Variants in BZW2 observed in about 807,000 individuals in gnomAD.
The protein encoded by BZW2 is basic leucine zipper and W2 domains 2.
Under a neutral mutation model 53.2 loss-of-function variants are expected in BZW2, and 23 were observed. The ratio of observed to expected loss-of-function variants is 0.43; its 90% CI spans 0.31 to 0.61. BZW2 has a LOEUF of 0.61. BZW2 is among the 20% of genes least tolerant of loss of function. The pLI, the probability that BZW2 is intolerant of heterozygous loss-of-function variation, is 0.09. For missense variants in BZW2, 409 were observed against 503.1 expected, an observed-to-expected ratio of 0.81 and a Z score of 1.79; for synonymous variants, 227 against 186.4, an observed-to-expected ratio of 1.22 and a Z score of -1.77.
chr7:16,706,083 A>C lies in BZW2; in HGVS notation c.1255A>C (p.Asn419His). 6.2e-7 allele frequency: 1 copy of C among 1,613,624 alleles called. No individual in the cohort carries two copies. The highest frequency in any genetic ancestry group is 8.5e-7 in the Non-Finnish European group (1 of 1,179,724). ...EEESESEGEE[N>H] ...AGAATCCGAATCGGAAGGTGAGGAAAATTAAATGGCTCAACAAGCACAATA... is the reference window on the plus strand; with the variant it reads ...AGAATCCGAATCGGAAGGTGAGGAACATTAAATGGCTCAACAAGCACAATA... The change falls in exon 12 of 12, where the codon AAT (asparagine) becomes CAT (histidine). Residue 419 changes from asparagine (N) to histidine (H), a missense_variant. Physicochemically the swap from Asn to His is moderately conservative, Grantham distance 68. Coordinates refer to ENST00000258761, the MANE Select transcript of BZW2 (RefSeq NM_014038.3).
intron 1 of BZW2, among the ~76,000 whole-genome samples, chr7:16,654,524 A>G (rs796333367): frequency 7.3e-6 from 1 of 137,928 alleles, no homozygotes; most frequent in African/African-American, 2.6e-5. Context: ...CCCCCCCCAA[A>G]AAAAAACGGA....
intron 2 of BZW2, among the ~76,000 whole-genome samples, chr7:16,668,887 A>C (rs1005616460): frequency 4.6e-5 from 7 of 152,344 alleles, no homozygotes; most frequent in Admixed American, 2.0e-4. Context: ...TCTCCAAAGT[A>C]ATTATGTTTT....
Position 16,694,938 on chromosome 7 carries a change from G to A in BZW2, c.756G>A (p.Leu252=), listed in dbSNP as rs1209857543. The A allele has an allele frequency of 1.3e-6, 2 of 1,598,510 alleles. No individual in the cohort carries two copies. Among genetic ancestry groups the A allele is most frequent in the African/African-American group, 2.7e-5 (2 of 74,744 alleles). ...ACTTCCTCCGAGTCCAGCAGTCCCT[G>A]GGCACCAGGAAGGAACTGCAGAAGG... ...LSDFLRVQQS[L]GTRKELQKEL... Residue 252 remains leucine (L), a synonymous_variant, in exon 8 of 12, where the codon CTG becomes CTA. Coordinates refer to ENST00000258761, the MANE Select transcript of BZW2 (RefSeq NM_014038.3).
chr7:16,646,812 T>C (rs979929031), intron 1 of BZW2, among the ~76,000 whole-genome samples: 3 of 151,916 alleles, frequency 2.0e-5, no homozygotes, highest in Admixed American at 6.5e-5. Context: ...CCAATGTTGC[T>C]TGTTAAAGAT....
intron 5 of BZW2, among the ~76,000 whole-genome samples, chr7:16,684,526 T>G (rs1342674149): frequency 6.6e-6 from 1 of 152,248 alleles, no homozygotes; most frequent in Non-Finnish European, 1.5e-5. Context: ...TTTAAATGAA[T>G]ATGGTTATAT....
intron 1 of BZW2, among the ~76,000 whole-genome samples, chr7:16,649,751 T>G (rs1781943930): frequency 6.6e-6 from 1 of 152,222 alleles, no homozygotes; most frequent in African/African-American, 2.4e-5. Context: ...ATTACTTATC[T>G]TTTAGAGATA....
chr7:16,681,787 G>A (rs1358341249), intron 4 of BZW2, among the ~76,000 whole-genome samples: 2 of 152,148 alleles, frequency 1.3e-5, no homozygotes, highest in African/African-American at 2.4e-5. Context: ...AGCTGAGATC[G>A]TGCCACTGCT....
At chr7:16,688,396 A>G (rs1002414527) in intron 6 of BZW2, 1 of 152,214 alleles carries the variant, frequency 6.6e-6, no homozygotes, top group Admixed American at 6.5e-5. Context: ...ACAGAGGATA[A>G]TTTATCTTTC....
At chr7:16,661,736 T>C (rs1241846520) in intron 1 of BZW2, among the ~76,000 whole-genome samples, 2 of 152,078 alleles carry the variant, frequency 1.3e-5, no homozygotes, top group African/African-American at 2.4e-5. Flanking sequence ...GTCCATTTTG[T>C]TTACCATTTC....
Position 16,696,898 on chromosome 7 carries a change from A to G in BZW2, c.823-17A>G. On this transcript the variant is annotated splice_polypyrimidine_tract_variant and intron_variant, in intron 8 of 11. Transcript: ENST00000258761. The stretch of plus-strand genomic sequence containing the variant: ...CATCTGCCTGTTACTTTCTGACCCC[A>G]TTTCCATGTAATGTAGGTGGTGCTT... 2 of 1,613,762 alleles carry G rather than the reference A, an allele frequency of 1.2e-6. No homozygotes were observed. Among genetic ancestry groups the G allele is most frequent in the African/African-American group, 1.3e-5 (1 of 75,026 alleles).
chr7:16,679,832 C>T (rs1338557528), intron 3 of BZW2, among the ~76,000 whole-genome samples: 1 of 152,166 alleles, frequency 6.6e-6, no homozygotes, highest in African/African-American at 2.4e-5. Flanking sequence ...ACTACCCAAA[C>T]CTTCTACCTT....
chr7:16,696,192 A>T (rs3807487), intron 8 of BZW2: 2 of 152,032 alleles, frequency 1.3e-5, no homozygotes, highest in African/African-American at 2.4e-5. Flanking sequence ...GAGATATACG[A>T]TGACTTTCAA....
rs144904897 is a variant in BZW2, at chr7:16,648,601, T to G, written c.-8+2313T>G. 2.6e-5 allele frequency among the ~76,000 whole-genome samples: 4 copies of G among 152,336 alleles called. No individual in the cohort carries two copies. The East Asian group carries it at 7.7e-4, about 29-fold the overall frequency. ...TAAACATTGAGCACCCATCATTCTT[T>G]GAATGGCTCTCTGCTGGCCACAGAA... On this transcript the variant is annotated intron_variant, in intron 1 of 11. Transcript: ENST00000258761.
intron 7 of BZW2, among the ~76,000 whole-genome samples, chr7:16,692,964 T>C (rs1473225815): frequency 6.6e-6 from 1 of 152,112 alleles, no homozygotes; most frequent in Non-Finnish European, 1.5e-5. Flanking sequence ...CCTTGGGGCA[T>C]GGGATATTGG....
At chr7:16,699,533 TG>T (rs1417792826) in intron 10 of BZW2, among the ~76,000 whole-genome samples, 2 of 152,202 alleles carry the variant, frequency 1.3e-5, no homozygotes, top group African/African-American at 4.8e-5. Context: ...AAAACCAAAC[TG>T]TTCGTAAACT....
chr7:16,682,202 C>T (rs1176908821), intron 4 of BZW2, among the ~76,000 whole-genome samples: 6 of 152,100 alleles, frequency 3.9e-5, no homozygotes, highest in Admixed American at 6.5e-5. Flanking sequence ...ATTAAAATAA[C>T]CAATATTTAC....
chr7:16,668,152 C>T (rs1486078099), intron 2 of BZW2, among the ~76,000 whole-genome samples: 1 of 152,198 alleles, frequency 6.6e-6, no homozygotes, highest in Non-Finnish European at 1.5e-5. Flanking sequence ...AATCTCAGAG[C>T]TGGATCTCCA....
intron 2 of BZW2, among the ~76,000 whole-genome samples, chr7:16,670,028 T>G (rs1361712748): frequency 1.3e-5 from 2 of 152,232 alleles, no homozygotes; most frequent in African/African-American, 4.8e-5. Context: ...TTCTCAAGTT[T>G]TCATTAGTGT....
At chr7:16,673,187 CCGCCCG>C (rs1289366641) in intron 2 of BZW2, among the ~76,000 whole-genome samples, 1 of 152,116 alleles carries the variant, frequency 6.6e-6, no homozygotes. Context: ...ACCTCGTGAT[CCGCCCG>C]CCTCGGCCTC....
Sources: gnomAD v4.1 joint callset for allele counts (sites outside exome capture counted in the v4.1 genomes callset) on GRCh38, gnomAD v4.1.1 for gene constraint, MANE v1.5 for transcripts, NCBI Gene and HGNC (gene_info 2026-07-23, HGNC 2026-07-21) for gene names.